SPATA13: variants seen among roughly 807,000 people sequenced by gnomAD.
SPATA13 encodes spermatogenesis associated 13, also known as spermatogenesis-associated protein 13.
A neutral mutation model predicts 104.0 loss-of-function variants in SPATA13; 50 were observed. That is an observed-to-expected ratio of 0.48 (90% CI 0.38 to 0.61). The LOEUF is 0.61. Ranked by LOEUF, SPATA13 falls within the 20% of genes least tolerant of loss-of-function variation. SPATA13 has a pLI of 0.00. For synonymous variants in SPATA13, 606 were observed against 667.5 expected (o/e 0.91, Z 1.42); for missense variants, 1,524 against 1,690.6 (o/e 0.90, Z 1.73).
At chr13:24,037,877 C>T (rs1303662561) in intron 3 of SPATA13, among the ~76,000 whole-genome samples, 1 of 152,020 alleles carries the variant, frequency 6.6e-6, no homozygotes, top group African/African-American at 2.4e-5. Context: ...AATTTTACTC[C>T]TCCTTTCCCC....
At chr13:24,070,449 G>A (rs1338506956) in intron 3 of SPATA13, among the ~76,000 whole-genome samples, 3 of 152,142 alleles carry the variant, frequency 2.0e-5, no homozygotes, top group Non-Finnish European at 4.4e-5. Flanking sequence ...TGTACTTGGC[G>A]TCTCTGGTGT....
At chr13:24,181,254 A>C (rs148026526) in intron 1 of SPATA13, among the ~76,000 whole-genome samples, 1 of 152,280 alleles carries the variant, frequency 6.6e-6, no homozygotes, top group Non-Finnish European at 1.5e-5. Flanking sequence ...GTCCACTCTA[A>C]ATGTATTTAA....
intron 2 of SPATA13, among the ~76,000 whole-genome samples, chr13:24,237,939 A>ATATGCAATATATAAACATACATGTT (rs1872648672): frequency 2.7e-5 from 4 of 148,360 alleles, no homozygotes; most frequent in Non-Finnish European, 4.5e-5. Context: ...ACATGTTTAA[A>ATATGCAATATATAAACATACATGTT]TATGCAATAT....
rs551468604 is a variant in SPATA13 at position 24,242,309 on chromosome 13, CAT to C, written c.1654-7167_1654-7166del. Among the ~76,000 whole-genome samples, 32 of 152,174 alleles carry C rather than the reference CAT, an allele frequency of 2.1e-4. 1 individual carries two copies. Among genetic ancestry groups the C allele is most frequent in the Admixed American group, 1.3e-4 (2 of 15,280 alleles). On this transcript the variant is annotated intron_variant, in intron 2 of 12. Coordinates refer to ENST00000382108, the MANE Select transcript of SPATA13 (RefSeq NM_001166271.3). ...ATGCGCATGACTATGTCTACACACA[CAT>C]GGATGAATGGAGAAATAGCCCAGAG...
chr13:24,128,394 T>G (rs926563389), intron 3 of SPATA13, among the ~76,000 whole-genome samples: 1 of 152,152 alleles, frequency 6.6e-6, no homozygotes, highest in African/African-American at 2.4e-5. Context: ...CCACTTTAAT[T>G]TATTCAAACC....
intron 1 of SPATA13, among the ~76,000 whole-genome samples, chr13:24,220,977 C>T (rs947402951): frequency 2.0e-5 from 3 of 152,222 alleles, no homozygotes; most frequent in East Asian, 1.9e-4. Flanking sequence ...AAAATGTCCT[C>T]CTCTTGTTCC....
At chr13:24,184,668 A>G (rs1869033899) in intron 1 of SPATA13, among the ~76,000 whole-genome samples, 1 of 152,186 alleles carries the variant, frequency 6.6e-6, no homozygotes, top group Non-Finnish European at 1.5e-5. Flanking sequence ...TTTTCTGTGC[A>G]GGACAAAGTT....
chr13:24,062,587 C>T (rs2137755987), intron 3 of SPATA13, among the ~76,000 whole-genome samples: 1 of 152,198 alleles, frequency 6.6e-6, no homozygotes, highest in Middle Eastern at 3.4e-3. Flanking sequence ...AAGGAGCCTC[C>T]ATCCAGTTCT....
At position 23,998,926 on chromosome 13, in the gene SPATA13, TGG is replaced by T. The variant is rs2137669409; in HGVS notation, c.-147+14994_-147+14995del. On this transcript the variant is annotated intron_variant, in intron 2 of 14. Coordinates refer to the SPATA13 transcript ENST00000424834. ...CAATTTTCCATCTTTTCACTAACTT[TGG>T]TTTTTTTTTTTTTTTGAGATGGAGT... Among the ~76,000 whole-genome samples the T allele has an allele frequency of 5.6e-5, 4 of 71,238 alleles. 1 individual carries two copies. Among genetic ancestry groups the T allele is most frequent in the African/African-American group, 6.0e-5 (1 of 16,628 alleles). The allele number at this position is 71,238 out of a possible 152,430, so 46.7% of individuals were successfully genotyped here. A position where few individuals can be genotyped will look rare whatever the true frequency, so the allele number is the denominator to read the frequency against.
At chr13:24,215,112 G>A (rs1566154414) in intron 1 of SPATA13, among the ~76,000 whole-genome samples, 1 of 152,140 alleles carries the variant, frequency 6.6e-6, no homozygotes, top group Admixed American at 6.5e-5. Context: ...CTCACAGATC[G>A]CCTCTGAGAG....
intron 2 of SPATA13, among the ~76,000 whole-genome samples, chr13:24,242,400 G>C: frequency 6.6e-6 from 1 of 152,202 alleles, no homozygotes; most frequent in Non-Finnish European, 1.5e-5. Flanking sequence ...GAGGCTTTTT[G>C]GGGAGCAGTA....
chr13:24,149,882 T>A (rs920256598), intron 3 of SPATA13, among the ~76,000 whole-genome samples: 4 of 151,856 alleles, frequency 2.6e-5, no homozygotes, highest in African/African-American at 4.8e-5. Flanking sequence ...AAAGAGCTCT[T>A]GGGCAGCAGG....
chr13:24,149,693 A>G (rs541506905), intron 3 of SPATA13, among the ~76,000 whole-genome samples: 57 of 152,298 alleles, frequency 3.7e-4, no homozygotes, highest in African/African-American at 1.3e-3. Context: ...TGGGGGCGGG[A>G]AAGCTCCCAC....
chr13:24,079,822 T>A (rs1405728787), intron 3 of SPATA13, among the ~76,000 whole-genome samples: 1 of 152,126 alleles, frequency 6.6e-6, no homozygotes, highest in Non-Finnish European at 1.5e-5. Context: ...TCTCCCCATT[T>A]CGCCTCTCAC....
intron 1 of SPATA13, among the ~76,000 whole-genome samples, chr13:24,203,267 C>A (rs545453877): frequency 6.6e-6 from 1 of 152,010 alleles, no homozygotes; most frequent in African/African-American, 2.4e-5. Flanking sequence ...AAGAACCATT[C>A]TGTAGAGGAT....
intron 2 of SPATA13, among the ~76,000 whole-genome samples, chr13:24,001,090 C>T (rs529705064): frequency 4.6e-5 from 7 of 152,308 alleles, no homozygotes; most frequent in African/African-American, 1.7e-4. Flanking sequence ...TATGATCTGA[C>T]ACAGTTCTTC....
At chr13:24,131,794 G>A (rs1316345934) in intron 3 of SPATA13, among the ~76,000 whole-genome samples, 1 of 152,160 alleles carries the variant, frequency 6.6e-6, no homozygotes, top group East Asian at 1.9e-4. Context: ...GGTGGCAACT[G>A]GGAAGAGAGA....
At chr13:24,164,474 T>C (rs1287636869) in intron 1 of SPATA13, among the ~76,000 whole-genome samples, 1 of 152,186 alleles carries the variant, frequency 6.6e-6, no homozygotes, top group Non-Finnish European at 1.5e-5. Context: ...TCCTATGTGA[T>C]GGCTTCATCA....
intron 1 of SPATA13, among the ~76,000 whole-genome samples, chr13:24,198,263 G>T (rs553372840): frequency 4.9e-4 from 75 of 152,268 alleles, no homozygotes; most frequent in African/African-American, 1.8e-3. Context: ...AAAGTGCTGA[G>T]ATTACAGGCG....
Sources: allele counts gnomAD v4.1 joint callset (sites outside exome capture counted in the v4.1 genomes callset), GRCh38; gene constraint gnomAD v4.1.1; transcripts MANE v1.5; gene names NCBI Gene and HGNC (gene_info 2026-07-23, HGNC 2026-07-21).